The following MINDY2 variants were observed in gnomAD, a reference collection of about 807,000 sequenced individuals.
MINDY2 encodes MINDY lysine 48 deubiquitinase 2.
Under a neutral mutation model 68.2 loss-of-function variants are expected in MINDY2, and 52 were observed. The observed-to-expected ratio is 0.76, with a 90% confidence interval of 0.61 to 0.96. The LOEUF is 0.96. MINDY2 is among the 40% of genes least tolerant of loss of function. The probability of loss-of-function intolerance (pLI) is 0.00; values close to 1 mark genes in which losing one functional copy is unlikely to be tolerated. For missense variants in MINDY2, 881 were observed against 773.4 expected (o/e 1.14, Z -1.65); for synonymous variants, 372 against 303.0 (o/e 1.23, Z -2.36).
At position 58,848,944 on chromosome 15, in the gene MINDY2, T is replaced by C. The variant is rs546062761; in HGVS notation, c.1542+1474T>C. On this transcript the variant is annotated intron_variant, in intron 7 of 8. Transcript: ENST00000559228. ...AAAATACTGGGCCAGGCAAGGTGGC[T>C]CACACCTATAATCCCAGCACTTTGA... Among the ~76,000 whole-genome samples the C allele has an allele frequency of 2.0e-5, 3 of 152,276 alleles. 1 individual carries two copies. The South Asian group carries it at 6.2e-4, about 32-fold the overall frequency.
At chr15:58,775,291 A>G (rs1299763973) in intron 1 of MINDY2, among the ~76,000 whole-genome samples, 2 of 152,308 alleles carry the variant, frequency 1.3e-5, no homozygotes, top group East Asian at 1.9e-4. Flanking sequence ...GGGGTCCTCA[A>G]TCATTTTTAA....
intron 2 of MINDY2, among the ~76,000 whole-genome samples, chr15:58,801,883 G>T (rs987072644): frequency 1.2e-4 from 19 of 152,206 alleles, no homozygotes; most frequent in Non-Finnish European, 4.4e-5. Flanking sequence ...CTCCCAAAGT[G>T]CTGGGATCAC....
chr15:58,805,145 A>G (rs982452055), intron 3 of MINDY2, among the ~76,000 whole-genome samples: 11 of 152,202 alleles, frequency 7.2e-5, no homozygotes, highest in African/African-American at 1.7e-4. Context: ...TCTCATAAAC[A>G]TATCAGGCAA....
At chr15:58,779,232 A>C (rs1900978362) in intron 1 of MINDY2, among the ~76,000 whole-genome samples, 1 of 152,176 alleles carries the variant, frequency 6.6e-6, no homozygotes, top group Non-Finnish European at 1.5e-5. Context: ...TATAAATTAG[A>C]AAAGGGTGAA....
intron 6 of MINDY2, among the ~76,000 whole-genome samples, chr15:58,836,363 T>A (rs2031994368): frequency 6.6e-6 from 1 of 151,892 alleles, no homozygotes; most frequent in Admixed American, 6.6e-5. Flanking sequence ...GTCCCCAGAA[T>A]AGTTCTATGG....
Position 58,851,966 on chromosome 15 carries a change from G to T in MINDY2, c.1737+1G>T. On this transcript the variant is annotated splice_donor_variant, in intron 8 of 8. Coordinates refer to ENST00000559228, the MANE Select transcript of MINDY2 (RefSeq NM_001040450.3). LOFTEE classifies it high-confidence loss of function. Reference sequence around the variant, plus strand: ...TGCTGCTGCTTCTACACAGGCTCAGGTAAAAACTAGTGTTTTGAGTCTTAA... The same window carrying T: ...TGCTGCTGCTTCTACACAGGCTCAGTTAAAAACTAGTGTTTTGAGTCTTAA... The T allele has an allele frequency of 1.3e-6, 2 of 1,573,890 alleles. No homozygotes were observed. Among genetic ancestry groups the T allele is most frequent in the Non-Finnish European group, 1.7e-6 (2 of 1,167,168 alleles).
Position 58,851,289 on chromosome 15 carries a change from A to G in MINDY2, c.1543-482A>G, listed in dbSNP as rs569745835. 1.1e-3 allele frequency among the ~76,000 whole-genome samples: 162 copies of G among 152,256 alleles called. 3 individuals carry two copies. Among genetic ancestry groups the G allele is most frequent in the Non-Finnish European group, 4.0e-4 (27 of 68,016 alleles). ...GCACCTGGCCTCCAAAAATATTTAG[A>G]ACAATGACAGAATCACTGAAATAAG... On this transcript the variant is annotated intron_variant, in intron 7 of 8. Coordinates refer to ENST00000559228, the MANE Select transcript of MINDY2 (RefSeq NM_001040450.3).
At chr15:58,808,851 G>A (rs573387340) in intron 3 of MINDY2, among the ~76,000 whole-genome samples, 6 of 152,278 alleles carry the variant, frequency 3.9e-5, no homozygotes, top group South Asian at 2.1e-4. Context: ...TGATCCACCC[G>A]CCTCAGCCTC....
At chr15:58,784,048 G>A (rs1256720615) in intron 1 of MINDY2, among the ~76,000 whole-genome samples, 7 of 152,050 alleles carry the variant, frequency 4.6e-5, no homozygotes, top group African/African-American at 1.7e-4. Flanking sequence ...TTCCAGGGCC[G>A]AGTGCAGTGG....
chr15:58,843,059 A>G (rs2032357077), intron 6 of MINDY2, among the ~76,000 whole-genome samples: 1 of 152,194 alleles, frequency 6.6e-6, no homozygotes, highest in Non-Finnish European at 1.5e-5. Flanking sequence ...GAAATGTATA[A>G]ATTTTCAAAT....
intron 8 of MINDY2, among the ~76,000 whole-genome samples, chr15:58,853,148 T>G (rs530416312): frequency 1.4e-3 from 211 of 151,834 alleles, no homozygotes; most frequent in African/African-American, 4.6e-3. Flanking sequence ...AGATGAGGTT[T>G]TACCATATTG....
chr15:58,795,000 C>T (rs985462261), intron 2 of MINDY2, among the ~76,000 whole-genome samples: 9 of 109,730 alleles, frequency 8.2e-5, no homozygotes, highest in African/African-American at 2.8e-4. Context: ...ACGGTGAAAC[C>T]CCGTCTCTAC....
At chr15:58,848,510 GA>G (rs1227754513) in intron 7 of MINDY2, among the ~76,000 whole-genome samples, 1 of 152,118 alleles carries the variant, frequency 6.6e-6, no homozygotes, top group Non-Finnish European at 1.5e-5. Context: ...TTGGGAGGCC[GA>G]GGCGGGTAGA....
chr15:58,848,106 T>C (rs1487348256), intron 7 of MINDY2, among the ~76,000 whole-genome samples: 1 of 152,000 alleles, frequency 6.6e-6, no homozygotes, highest in African/African-American at 2.4e-5. Flanking sequence ...CAGATGAGAT[T>C]TTTGCCTGCC....
chr15:58,804,633 C>T (rs1902895216), intron 3 of MINDY2, among the ~76,000 whole-genome samples: 1 of 152,014 alleles, frequency 6.6e-6, no homozygotes, highest in Non-Finnish European at 1.5e-5. Context: ...TGGCAAAACC[C>T]TGTCTCTACA....
At chr15:58,844,552 T>TGAGAC (rs1276773041) in intron 6 of MINDY2, among the ~76,000 whole-genome samples, 1 of 80,900 alleles carries the variant, frequency 1.2e-5, no homozygotes, top group Non-Finnish European at 2.3e-5. Flanking sequence ...AGAGCGAGAC[T>TGAGAC]CCGTCTCAAA....
intron 1 of MINDY2, among the ~76,000 whole-genome samples, chr15:58,786,095 A>C (rs1400525027): frequency 6.6e-6 from 1 of 152,212 alleles, no homozygotes; most frequent in African/African-American, 2.4e-5. Context: ...ATAACTATTG[A>C]CTGTCATATA....
chr15:58,852,972 A>ATTTTTTTTTTTTTTTTTTTTTTTTT (rs1567079858), intron 8 of MINDY2, among the ~76,000 whole-genome samples: 1 of 17,272 alleles, frequency 5.8e-5, no homozygotes, highest in East Asian at 1.0e-3. Context: ...TTTTTTTTTA[A>ATTTTTTTTTTTTTTTTTTTTTTTTT]GACAGAGTCT....
At chr15:58,821,926 T>A in intron 5 of MINDY2, 107 bp downstream of exon 5, 1 of 684,532 alleles carries the variant, frequency 1.5e-6, no homozygotes, top group Non-Finnish European at 2.3e-6. Flanking sequence ...AAAAAACACA[T>A]GTTATATTAC....
Sources: gnomAD v4.1 joint callset for allele counts (sites outside exome capture counted in the v4.1 genomes callset) on GRCh38, gnomAD v4.1.1 for gene constraint, MANE v1.5 for transcripts, NCBI Gene and HGNC (gene_info 2026-07-23, HGNC 2026-07-21) for gene names.